The following PLEKHD1 variants were observed in gnomAD, a reference collection of about 807,000 sequenced individuals.
PLEKHD1 encodes pleckstrin homology and coiled-coil domain containing D1.
A neutral mutation model predicts 69.2 loss-of-function variants in PLEKHD1; 51 were observed. That is an observed-to-expected ratio of 0.74 (90% CI 0.59 to 0.93). The LOEUF is 0.93. PLEKHD1 is among the 40% of genes least tolerant of loss of function. PLEKHD1 has a pLI of 0.00. For synonymous variants in PLEKHD1, 236 were observed against 244.7 expected, an observed-to-expected ratio of 0.96 and a Z score of 0.33; for missense variants, 584 against 641.0, an observed-to-expected ratio of 0.91 and a Z score of 0.96.
chr14:69,470,542 T>C, the PLEKHD1 span, among the ~76,000 whole-genome samples: 1 of 152,078 alleles, frequency 6.6e-6, no homozygotes, highest in African/African-American at 2.4e-5. Context: ...ACCACATCAC[T>C]GTGTCTACAA....
the PLEKHD1 span, among the ~76,000 whole-genome samples, chr14:69,479,424 C>T: frequency 0.18 from 27,121 of 151,988 alleles, 2,681 homozygotes; most frequent in African/African-American, 0.26. Flanking sequence ...GAAAAGAGCA[C>T]GCATGATGGT....
At chr14:69,489,558 CAA>C (rs1166429791) in intron 1 of PLEKHD1, among the ~76,000 whole-genome samples, 24 of 59,890 alleles carry the variant, frequency 4.0e-4, no homozygotes, top group Admixed American at 8.1e-4. Flanking sequence ...TACTCCATCT[CAA>C]AAAAAAAAAA....
Position 69,527,872 on chromosome 14 carries a change from A to T in PLEKHD1, c.1291A>T (p.Thr431Ser). Reference sequence around the variant, plus strand: ...CTCCGTGTACATCCATAAGGCAGCCACTCGCCGCATCAAGAGCTGCCGCTT... The same window carrying T: ...CTCCGTGTACATCCATAAGGCAGCCTCTCGCCGCATCAAGAGCTGCCGCTT... ...KNSVYIHKAA[T>S]RRIKSCRFHR... Residue 431 changes from threonine to serine, a missense_variant, in exon 12 of 13, where the codon ACT becomes TCT. By Grantham distance (58) the Thr-to-Ser change is moderately conservative. Transcript: ENST00000322564. 1 of 1,551,340 alleles carries T rather than the reference A, an allele frequency of 6.4e-7. No individual in the cohort carries two copies. Among genetic ancestry groups the T allele is most frequent in the Non-Finnish European group, 8.7e-7 (1 of 1,146,990 alleles).
chr14:69,507,988 A>G (rs1883188961), intron 6 of PLEKHD1, among the ~76,000 whole-genome samples: 1 of 152,240 alleles, frequency 6.6e-6, no homozygotes, highest in Non-Finnish European at 1.5e-5. Context: ...TAGCCACTGT[A>G]TCTGGCTGAT....
intron 8 of PLEKHD1, among the ~76,000 whole-genome samples, chr14:69,525,523 C>T (rs1266976666): frequency 2.0e-5 from 3 of 152,042 alleles, no homozygotes; most frequent in Non-Finnish European, 4.4e-5. Flanking sequence ...AGCTGTGTTG[C>T]CAAGGCTGGG....
rs1883745746 is a variant in PLEKHD1, at chr14:69,529,550, A to C, written c.*1131A>C. 1 of 153,024 alleles carries C rather than the reference A, an allele frequency of 6.5e-6. No homozygotes were observed. The highest frequency in any genetic ancestry group is 1.5e-5 in the Non-Finnish European group (1 of 68,740). The allele number at this position is 153,024 out of a possible 1,614,324, so 9.5% of individuals were successfully genotyped here. ...GGGTAACAGAGCAAGACCCTGTCTC[A>C]AACAAACACAAGGAAAACAAGCTCA... On this transcript the variant is annotated 3_prime_UTR_variant, in exon 13 of 13. Coordinates refer to ENST00000322564, the MANE Select transcript of PLEKHD1 (RefSeq NM_001161498.2).
chr14:69,473,958 G>A, the PLEKHD1 span, among the ~76,000 whole-genome samples: 1 of 152,150 alleles, frequency 6.6e-6, no homozygotes, highest in Non-Finnish European at 1.5e-5. Context: ...GCTGGGCTAG[G>A]GGCAGAGGGT....
intron 1 of PLEKHD1, among the ~76,000 whole-genome samples, chr14:69,490,252 G>T (rs1041803500): frequency 2.0e-5 from 3 of 152,216 alleles, no homozygotes; most frequent in African/African-American, 7.2e-5. Flanking sequence ...ACAGGGGTGG[G>T]TGTGGGGGTG....
intron 7 of PLEKHD1, among the ~76,000 whole-genome samples, chr14:69,523,212 G>A (rs891919871): frequency 2.8e-4 from 42 of 152,178 alleles, no homozygotes; most frequent in Non-Finnish European, 2.4e-4. Flanking sequence ...GATTACAGGT[G>A]TGAGCCACCG....
At chr14:69,501,433 C>T in intron 4 of PLEKHD1, 2 of 344,880 alleles carry the variant, frequency 5.8e-6, no homozygotes, top group South Asian at 7.9e-5. Flanking sequence ...GGGTAGCGGA[C>T]ATTCAGTAAT....
chr14:69,515,341 C>CG (rs1883361156), intron 6 of PLEKHD1, among the ~76,000 whole-genome samples: 1 of 151,988 alleles, frequency 6.6e-6, no homozygotes, highest in African/African-American at 2.4e-5. Flanking sequence ...CTAAGATTGG[C>CG]CCCCCCTGGA....
chr14:69,515,162 C>G (rs1883356485), intron 6 of PLEKHD1, among the ~76,000 whole-genome samples: 1 of 152,192 alleles, frequency 6.6e-6, no homozygotes, highest in African/African-American at 2.4e-5. Flanking sequence ...CACGCCACTG[C>G]ACTCCAGCCT....
intron 6 of PLEKHD1, among the ~76,000 whole-genome samples, chr14:69,512,800 G>A (rs1233707930): frequency 1.3e-5 from 2 of 151,878 alleles, no homozygotes; most frequent in African/African-American, 4.8e-5. Flanking sequence ...AGTGATGCAT[G>A]CCTGTAATCC....
chr14:69,489,468 A>C (rs1299059700), intron 1 of PLEKHD1, among the ~76,000 whole-genome samples: 1 of 147,262 alleles, frequency 6.8e-6, no homozygotes, highest in Non-Finnish European at 1.5e-5. Flanking sequence ...TTGAGGCAGG[A>C]GAATCGCTCG....
intron 1 of PLEKHD1, among the ~76,000 whole-genome samples, chr14:69,488,571 A>T (rs2139492122): frequency 6.6e-6 from 1 of 152,070 alleles, no homozygotes; most frequent in Non-Finnish European, 1.5e-5. Flanking sequence ...TATTCTTCAA[A>T]CTTCTACCAG....
At chr14:69,468,116 T>C in the PLEKHD1 span, among the ~76,000 whole-genome samples, 1 of 152,188 alleles carries the variant, frequency 6.6e-6, no homozygotes, top group Non-Finnish European at 1.5e-5. Context: ...GGTCAGGCAT[T>C]CACATGTTTT....
At chr14:69,472,671 A>G in the PLEKHD1 span, among the ~76,000 whole-genome samples, 3 of 152,364 alleles carry the variant, frequency 2.0e-5, no homozygotes, top group African/African-American at 7.2e-5. Context: ...TACAGTGTTC[A>G]GTACAGTAAT....
chr14:69,526,211 T>C, intron 9 of PLEKHD1, 89 bp downstream of exon 9: 1 of 1,372,958 alleles, frequency 7.3e-7, no homozygotes, highest in Non-Finnish European at 9.7e-7. Context: ...TGGGTTCTAC[T>C]TGGCACTGAC....
In PLEKHD1 at chr14:69,485,051, T is replaced by C. The variant is rs1418395492; in HGVS notation, c.86T>C (p.Val29Ala). 9 of 1,551,258 alleles carry C rather than the reference T, an allele frequency of 5.8e-6. No homozygotes were observed. In the African/African-American group the frequency reaches 1.1e-4, roughly 19 times the overall value. The change falls in exon 1 of 13, where the codon GTG (valine) becomes GCG (alanine). Residue 29 changes from valine (V) to alanine (A), a missense_variant. By Grantham distance (64) the Val-to-Ala change is moderately conservative. Transcript: ENST00000322564. ...DSDALDISTK[V>A]QLYGVLWKRP... ...GACGCCCTGGATATCAGCACCAAAG[T>C]GCAGCTCTACGGCGTGCTGTGGAAG...
Sources: allele counts gnomAD v4.1 joint callset (sites outside exome capture counted in the v4.1 genomes callset), GRCh38; gene constraint gnomAD v4.1.1; transcripts MANE v1.5; gene names NCBI Gene and HGNC (gene_info 2026-07-23, HGNC 2026-07-21).